The following RGS9 variants were observed in gnomAD, a reference collection of about 807,000 sequenced individuals.
The protein encoded by RGS9 is regulator of G-protein signalling 9.
Under a neutral mutation model 102.0 loss-of-function variants are expected in RGS9, and 78 were observed. The ratio of observed to expected loss-of-function variants is 0.76; its 90% confidence interval spans 0.64 to 0.92. The LOEUF (loss-of-function observed/expected upper bound fraction) is 0.92, where lower values mean the gene tolerates loss of function less well. Ranked by LOEUF, RGS9 falls within the 40% of genes least tolerant of loss-of-function variation. The probability of loss-of-function intolerance (pLI) is 0.00; values close to 1 mark genes in which losing one functional copy is unlikely to be tolerated. For synonymous variants in RGS9, 353 were observed against 318.6 expected (o/e 1.11, Z -1.15); for missense variants, 833 against 866.1 (o/e 0.96, Z 0.48).
At chr17:65,165,274 G>A (rs187342329) in intron 7 of RGS9, among the ~76,000 whole-genome samples, 4 of 152,278 alleles carry the variant, frequency 2.6e-5, no homozygotes, top group East Asian at 3.9e-4. Context: ...ACTCAGCTGC[G>A]ATAAAGCTCT....
At chr17:65,166,238 A>T (rs959604058) in intron 7 of RGS9, among the ~76,000 whole-genome samples, 1 of 152,184 alleles carries the variant, frequency 6.6e-6, no homozygotes, top group South Asian at 2.1e-4. Flanking sequence ...GTTGGTAGAA[A>T]CCATCACAAA....
At chr17:65,186,700 A>G (rs1912137818) in intron 9 of RGS9, among the ~76,000 whole-genome samples, 1 of 152,202 alleles carries the variant, frequency 6.6e-6, no homozygotes, top group Non-Finnish European at 1.5e-5. Flanking sequence ...CCATCCAATT[A>G]CTGACCAGGA....
chr17:65,140,521 A>G lies in RGS9; in HGVS notation c.57+2924A>G, dbSNP rs547885669. Among the ~76,000 whole-genome samples, 10 of 152,338 alleles carry G rather than the reference A, an allele frequency of 6.6e-5. No homozygotes were observed. The East Asian group carries it at 1.9e-3, about 29-fold the overall frequency. On this transcript the variant is annotated intron_variant, in intron 1 of 18. Coordinates refer to ENST00000262406, the MANE Select transcript of RGS9 (RefSeq NM_003835.4). ...CCTTTTAAAGGTTTGGTTTTATCTC[A>G]TACGGAGCCACTATAGAAATTGGAA...
At chr17:65,162,936 G>A in intron 6 of RGS9, 77 bp from the exon 7 acceptor site, 1 of 798,590 alleles carries the variant, frequency 1.3e-6, no homozygotes, top group Non-Finnish European at 2.2e-6. Context: ...TGCCCTTGCT[G>A]ACTTAGAGTT....
chr17:65,201,912 C>T, intron 13 of RGS9, 81 bp from the exon 14 acceptor site: 1 of 953,658 alleles, frequency 1.0e-6, no homozygotes, highest in African/African-American at 1.6e-5. Context: ...TCCCGGTTGA[C>T]TCATTTCTTT....
chr17:65,190,109 C>T (rs1912308965), intron 10 of RGS9, 66 bp from the exon 11 acceptor site: 1 of 1,268,442 alleles, frequency 7.9e-7, no homozygotes, highest in African/African-American at 1.5e-5. Context: ...GGTTTGGAGG[C>T]TGTGTGTAGT....
intron 17 of RGS9, among the ~76,000 whole-genome samples, chr17:65,222,336 G>T (rs1913730155): frequency 6.6e-6 from 1 of 152,228 alleles, no homozygotes; most frequent in Non-Finnish European, 1.5e-5. Flanking sequence ...AGCTCACCCA[G>T]ACACTCCCCC....
chr17:65,221,358 T>G (rs1913701040), intron 17 of RGS9, among the ~76,000 whole-genome samples: 1 of 152,210 alleles, frequency 6.6e-6, no homozygotes, highest in Non-Finnish European at 1.5e-5. Flanking sequence ...AGTTGTCTTA[T>G]CTGTATAGTG....
chr17:65,137,538 A>C lies in RGS9; in HGVS notation c.-3A>C. 1.2e-6 allele frequency: 2 copies of C among 1,611,848 alleles called. No homozygotes were observed. The highest frequency in any genetic ancestry group is 1.7e-6 in the Non-Finnish European group (2 of 1,179,748). ...CTGGCTGTGAATCCATCCAGGGGCC[A>C]GGATGACAATCCGACACCAAGGCCA... On this transcript the variant is annotated 5_prime_UTR_variant, in exon 1 of 19. Transcript: ENST00000262406.
At chr17:65,219,360 C>G (rs375049701) in intron 17 of RGS9, among the ~76,000 whole-genome samples, 1 of 152,218 alleles carries the variant, frequency 6.6e-6, no homozygotes, top group East Asian at 1.9e-4. Context: ...ATTGTTCCAG[C>G]AGGTGGCAGC....
chr17:65,187,936 C>T (rs987751478), intron 9 of RGS9, among the ~76,000 whole-genome samples: 5 of 152,134 alleles, frequency 3.3e-5, no homozygotes, highest in Admixed American at 1.3e-4. Context: ...GAGGAGGTTG[C>T]AGTAAACTGA....
In RGS9 at chr17:65,162,587, C is replaced by T. The variant is rs537548024; in HGVS notation, c.424-426C>T. On this transcript the variant is annotated intron_variant, in intron 6 of 18. Coordinates refer to ENST00000262406, the MANE Select transcript of RGS9 (RefSeq NM_003835.4). Reference sequence around the variant, plus strand: ...ATGCCATTCTCCTGCCTCAGCCTCCCGAGTTGCTGGGACTACAGGCACCCG... The same window carrying T: ...ATGCCATTCTCCTGCCTCAGCCTCCTGAGTTGCTGGGACTACAGGCACCCG... 1.6e-4 allele frequency among the ~76,000 whole-genome samples: 24 copies of T among 152,020 alleles called. No homozygotes were observed. In the East Asian group the frequency reaches 4.1e-3, roughly 26 times the overall value.
At chr17:65,140,181 A>G (rs1910103351) in intron 1 of RGS9, among the ~76,000 whole-genome samples, 1 of 152,218 alleles carries the variant, frequency 6.6e-6, no homozygotes, top group Non-Finnish European at 1.5e-5. Context: ...GAAGAAATAC[A>G]GGAGTGGTCG....
chr17:65,201,967 A>G, intron 13 of RGS9, 26 bp from the exon 14 acceptor site: 1 of 1,524,552 alleles, frequency 6.6e-7, no homozygotes, highest in South Asian at 1.1e-5. Context: ...CCCGGCCCTC[A>G]TCCACGTGGA....
intron 7 of RGS9, among the ~76,000 whole-genome samples, chr17:65,164,270 T>C (rs1437041111): frequency 5.3e-5 from 8 of 152,166 alleles, no homozygotes; most frequent in African/African-American, 1.2e-4. Flanking sequence ...AGCAGCACCA[T>C]CTGGGCTTTG....
chr17:65,166,964 A>G (rs1911209026), intron 7 of RGS9, among the ~76,000 whole-genome samples: 1 of 152,110 alleles, frequency 6.6e-6, no homozygotes, highest in Non-Finnish European at 1.5e-5. Context: ...TAACGGGGAG[A>G]TGAATTCGCC....
At chr17:65,168,009 G>C (rs536548711) in intron 7 of RGS9, among the ~76,000 whole-genome samples, 191 bp from the exon 8 acceptor site, 2 of 151,996 alleles carry the variant, frequency 1.3e-5, no homozygotes. Context: ...GAGTTAATAC[G>C]TGTCAAAGTG....
At chr17:65,160,959 T>G (rs1210165804) in intron 6 of RGS9, 50 bp downstream of exon 6, 1 of 1,459,710 alleles carries the variant, frequency 6.9e-7, no homozygotes, top group Non-Finnish European at 9.6e-7. Flanking sequence ...TGGAAGATAG[T>G]TTTGAGCTGT....
chr17:65,225,046 C>T lies in RGS9; in HGVS notation c.1452C>T (p.Thr484=), dbSNP rs773655068. ...MAPSPHLTVY[T]GTCMPPSPSS... ...CCAGCCCCCATCTGACCGTGTACAC[C>T]GGGACCTGCATGCCCCCGTCTCCTT... is the stretch of plus-strand genomic sequence containing the variant. The change falls in exon 18 of 19, where the codon ACC becomes ACT. Residue 484 remains threonine, a synonymous_variant. Coordinates refer to ENST00000262406, the MANE Select transcript of RGS9 (RefSeq NM_003835.4). The T allele has an allele frequency of 2.2e-5, 35 of 1,613,844 alleles. No individual in the cohort carries two copies. Among genetic ancestry groups the T allele is most frequent in the Admixed American group, 5.0e-5 (3 of 59,996 alleles).
Sources: allele counts gnomAD v4.1 joint callset (sites outside exome capture counted in the v4.1 genomes callset), GRCh38; gene constraint gnomAD v4.1.1; transcripts MANE v1.5; gene names NCBI Gene and HGNC (gene_info 2026-07-23, HGNC 2026-07-21).